TRMT11: variants seen among roughly 807,000 people sequenced by gnomAD.
TRMT11 encodes the protein tRNA (guanine(10)-N(2))-methyltransferase TRMT11.
In TRMT11, 53 loss-of-function variants were observed where a neutral mutation model predicts 62.8. The ratio of observed to expected loss-of-function variants is 0.84; its 90% CI spans 0.68 to 1.06. The LOEUF (loss-of-function observed/expected upper bound fraction) is 1.06, where lower values mean the gene tolerates loss of function less well. TRMT11 is among the 50% of genes least tolerant of loss of function. The pLI is 0.00. For synonymous variants in TRMT11, 188 were observed against 190.3 expected, an observed-to-expected ratio of 0.99 and a Z score of 0.10; for missense variants, 556 against 553.4, an observed-to-expected ratio of 1.00 and a Z score of -0.05.
the TRMT11 span, among the ~76,000 whole-genome samples, chr6:126,255,444 C>A: frequency 6.6e-6 from 1 of 152,192 alleles, no homozygotes; most frequent in Admixed American, 6.5e-5. Flanking sequence ...AAGCTCTAAC[C>A]TGTAGTCATC....
At chr6:126,173,067 C>T (rs912704135), upstream of TRMT11, among the ~76,000 whole-genome samples, 24 of 152,242 alleles carry the variant, frequency 1.6e-4, no homozygotes, top group African/African-American at 5.3e-4. Flanking sequence ...CACATGTTTT[C>T]GGAGCACCTA....
At chr6:126,109,739 A>G (rs1777508940) in intron 17 of TRMT11, among the ~76,000 whole-genome samples, 1 of 152,218 alleles carries the variant, frequency 6.6e-6, no homozygotes, top group Non-Finnish European at 1.5e-5. Context: ...ACATACATTT[A>G]TATTTTATGT....
At chr6:126,105,589 A>G (rs1344135288) in intron 17 of TRMT11, among the ~76,000 whole-genome samples, 1 of 151,424 alleles carries the variant, frequency 6.6e-6, no homozygotes, top group African/African-American at 2.4e-5. Context: ...ATGATCTTTA[A>G]GATTGTTTTT....
rs531075402 is a variant in TRMT11 at position 126,119,377 on chromosome 6, C to A, written c.*1823+3522C>A. 2.6e-5 allele frequency among the ~76,000 whole-genome samples: 4 copies of A among 151,952 alleles called. No individual in the cohort carries two copies. The East Asian group carries it at 5.8e-4, about 22-fold the overall frequency. ...TATCACTCCTGTGGATGAAACCTGG[C>A]CTCTCCAGGGCAGTTTCTCTAATAA... is the stretch of plus-strand genomic sequence containing the variant. On this transcript the variant is annotated intron_variant and NMD_transcript_variant, in intron 21 of 22. Transcript: ENST00000648977.
intron 16 of TRMT11, among the ~76,000 whole-genome samples, chr6:126,044,642 G>C (rs1329628409): frequency 6.6e-6 from 1 of 152,172 alleles, no homozygotes; most frequent in Non-Finnish European, 1.5e-5. Context: ...AAGATATAGA[G>C]TCTTTCTCTC....
intron 21 of TRMT11, among the ~76,000 whole-genome samples, chr6:126,158,423 A>G (rs1226821003): frequency 6.6e-6 from 1 of 152,202 alleles, no homozygotes; most frequent in Non-Finnish European, 1.5e-5. Context: ...TTCAAGTTCA[A>G]TATCTTTGGC....
chr6:126,017,796 T>C (rs1231952085), intron 11 of TRMT11, among the ~76,000 whole-genome samples: 1 of 152,222 alleles, frequency 6.6e-6, no homozygotes, highest in East Asian at 1.9e-4. Flanking sequence ...TTTGTGAGTT[T>C]ATTATTTACA....
the TRMT11 span, among the ~76,000 whole-genome samples, chr6:126,269,747 A>G: frequency 6.6e-6 from 1 of 152,238 alleles, no homozygotes; most frequent in Non-Finnish European, 1.5e-5. Context: ...TTATGAAGTG[A>G]TAGGAAGTTA....
In TRMT11 at chr6:126,027,760, T is replaced by C. The variant is rs533356857; in HGVS notation, c.1260+6480T>C. Among the ~76,000 whole-genome samples, 5 of 152,298 alleles carry C rather than the reference T, an allele frequency of 3.3e-5. No homozygotes were observed. The East Asian group carries it at 9.6e-4, about 29-fold the overall frequency. ...TTTTGGATTGAATGAAAGAGTCCAG[T>C]AACATGAAGCTGATGAATGCATTAA... On this transcript the variant is annotated intron_variant, in intron 12 of 12. Coordinates refer to ENST00000334379, the MANE Select transcript of TRMT11 (RefSeq NM_001031712.3).
At chr6:126,000,763 A>G (rs753854037) in intron 7 of TRMT11, among the ~76,000 whole-genome samples, 12 of 152,118 alleles carry the variant, frequency 7.9e-5, no homozygotes, top group Non-Finnish European at 1.6e-4. Context: ...TTGTTGAGTT[A>G]ATTCACTGGT....
chr6:125,999,720 G>T, intron 7 of TRMT11, 107 bp downstream of exon 7: 1 of 1,019,846 alleles, frequency 9.8e-7, no homozygotes, highest in Non-Finnish European at 1.4e-6. Flanking sequence ...TCTTTTAATT[G>T]TGTTTGGATA....
intron 16 of TRMT11, among the ~76,000 whole-genome samples, chr6:126,046,269 C>G (rs929851670): frequency 6.6e-6 from 1 of 152,162 alleles, no homozygotes; most frequent in Non-Finnish European, 1.5e-5. Context: ...TAGAGTCAGA[C>G]AAAGGACACA....
At chr6:126,183,380 T>C (rs1778489866) in intron 1 of TRMT11, among the ~76,000 whole-genome samples, 1 of 151,924 alleles carries the variant, frequency 6.6e-6, no homozygotes, top group African/African-American at 2.4e-5. Flanking sequence ...TGATCTGGGG[T>C]GAGAGTTTTC....
intron 12 of TRMT11, among the ~76,000 whole-genome samples, chr6:126,035,532 A>G (rs1254423989): frequency 6.6e-6 from 1 of 152,126 alleles, no homozygotes; most frequent in Admixed American, 6.6e-5. Context: ...GAAATAAGAA[A>G]ATAGCATTTT....
chr6:126,025,061 G>T (rs1772803780), intron 12 of TRMT11, among the ~76,000 whole-genome samples: 1 of 152,140 alleles, frequency 6.6e-6, no homozygotes, highest in Non-Finnish European at 1.5e-5. Context: ...TACATAAATA[G>T]TATTCCAAAG....
intron 17 of TRMT11, among the ~76,000 whole-genome samples, chr6:126,112,660 A>T (rs573592740): frequency 2.3e-4 from 35 of 152,244 alleles, no homozygotes; most frequent in Admixed American, 8.5e-4. Flanking sequence ...CTTATTAATT[A>T]TCCTGCATTT....
At chr6:126,011,578 G>A (rs561502372) in intron 9 of TRMT11, among the ~76,000 whole-genome samples, 161 bp downstream of exon 9, 1 of 152,072 alleles carries the variant, frequency 6.6e-6, no homozygotes, top group Admixed American at 6.6e-5. Flanking sequence ...AGTTATGAAG[G>A]TACTTAACTA....
the TRMT11 span, among the ~76,000 whole-genome samples, chr6:126,269,753 A>C: frequency 6.6e-6 from 1 of 152,234 alleles, no homozygotes; most frequent in Non-Finnish European, 1.5e-5. Flanking sequence ...AGTGATAGGA[A>C]GTTATTTCTA....
chr6:126,065,341 G>A (rs1343195322), intron 17 of TRMT11, among the ~76,000 whole-genome samples: 2 of 152,080 alleles, frequency 1.3e-5, no homozygotes, highest in East Asian at 3.9e-4. Context: ...AGTGGGAGCT[G>A]AGTCCTGCAG....
Sources: allele counts gnomAD v4.1 joint callset (sites outside exome capture counted in the v4.1 genomes callset), GRCh38; gene constraint gnomAD v4.1.1; transcripts MANE v1.5; gene names NCBI Gene and HGNC (gene_info 2026-07-23, HGNC 2026-07-21).